The following CDCA2 variants were observed in gnomAD, a reference collection of about 807,000 sequenced individuals.
CDCA2 encodes cell division cycle-associated protein 2.
A neutral mutation model predicts 67.0 loss-of-function variants in CDCA2; 44 were observed. The ratio of observed to expected loss-of-function variants is 0.66; its 90% confidence interval spans 0.52 to 0.84. The LOEUF (loss-of-function observed/expected upper bound fraction) is 0.84, where lower values mean the gene tolerates loss of function less well. Among genes scored for constraint, CDCA2 ranks in the 40% least tolerant of loss-of-function variants. CDCA2 has a pLI of 0.00. For synonymous variants in CDCA2, 447 were observed against 418.7 expected (o/e 1.07, Z -0.82); for missense variants, 1,253 against 1,203.2 (o/e 1.04, Z -0.61).
At chr8:25,492,599 G>A (rs1237604693) in intron 13 of CDCA2, among the ~76,000 whole-genome samples, 1 of 152,194 alleles carries the variant, frequency 6.6e-6, no homozygotes, top group African/African-American at 2.4e-5. Flanking sequence ...AAGCAATAAT[G>A]CAGTATAAGG....
chr8:25,481,390 T>C (rs1023846734), intron 8 of CDCA2, among the ~76,000 whole-genome samples: 21 of 152,310 alleles, frequency 1.4e-4, no homozygotes, highest in African/African-American at 5.1e-4. Flanking sequence ...ATTAGAATCA[T>C]GTGAAAACAT....
At chr8:25,497,615 T>G (rs953072577) in intron 13 of CDCA2, among the ~76,000 whole-genome samples, 1 of 152,070 alleles carries the variant, frequency 6.6e-6, no homozygotes, top group African/African-American at 2.4e-5. Context: ...GTACAAAGTT[T>G]CAGTTAGGAT....
At chr8:25,472,582 C>T (rs1666583527) in intron 7 of CDCA2, among the ~76,000 whole-genome samples, 1 of 152,134 alleles carries the variant, frequency 6.6e-6, no homozygotes, top group East Asian at 1.9e-4. Flanking sequence ...CACTTTCACA[C>T]CTTATTTTTC....
intron 5 of CDCA2, among the ~76,000 whole-genome samples, chr8:25,466,788 AT>A (rs1474587463): frequency 2.6e-5 from 4 of 152,142 alleles, no homozygotes; most frequent in Non-Finnish European, 5.9e-5. Context: ...CATGCCTGTA[AT>A]TCCAGCACTT....
chr8:25,495,228 TGTTTTTCA>T (rs1804167250), intron 13 of CDCA2, among the ~76,000 whole-genome samples: 1 of 152,236 alleles, frequency 6.6e-6, no homozygotes, highest in African/African-American at 2.4e-5. Context: ...AAGTGTGTAC[TGTTTTTCA>T]GTTTTGATTG....
At chr8:25,498,242 CTG>C (rs1200163097) in intron 13 of CDCA2, among the ~76,000 whole-genome samples, 2 of 152,106 alleles carry the variant, frequency 1.3e-5, no homozygotes, top group Non-Finnish European at 2.9e-5. Context: ...GAGTCTCGCT[CTG>C]TCGCCCAGGC....
chr8:25,501,641 AT>A (rs1264273930), intron 13 of CDCA2, among the ~76,000 whole-genome samples: 1 of 152,160 alleles, frequency 6.6e-6, no homozygotes, highest in Admixed American at 6.5e-5. Flanking sequence ...CTTGTTTGAG[AT>A]TTGACTTAGA....
chr8:25,491,755 T>C (rs958835728), intron 13 of CDCA2, among the ~76,000 whole-genome samples: 4 of 152,074 alleles, frequency 2.6e-5, no homozygotes, highest in African/African-American at 7.2e-5. Flanking sequence ...TAGCTGGGAC[T>C]ACAGGTGCAC....
intron 4 of CDCA2, among the ~76,000 whole-genome samples, chr8:25,465,010 G>C (rs1342061490): frequency 1.3e-5 from 2 of 152,086 alleles, no homozygotes; most frequent in African/African-American, 4.8e-5. Flanking sequence ...GCCTTGCTCT[G>C]TTACGCAGCC....
rs559411513 is a variant in CDCA2, at chr8:25,465,513, A to G, written c.388-662A>G. Among the ~76,000 whole-genome samples the G allele has an allele frequency of 2.0e-5, 3 of 151,046 alleles. No homozygotes were observed. The South Asian group carries it at 6.2e-4, about 31-fold the overall frequency. On this transcript the variant is annotated intron_variant, in intron 4 of 14. Transcript: ENST00000330560. ...TCCCTGCTAATATAAATTTCATTTT[A>G]TCAGTCTTTGGTTGGAACCCTGTTA...
chr8:25,487,152 A>C, intron 11 of CDCA2, 94 bp from the exon 12 acceptor site: 1 of 765,856 alleles, frequency 1.3e-6, no homozygotes, highest in Non-Finnish European at 2.3e-6. Flanking sequence ...TATGGTATTA[A>C]AGGTGGATAT....
At chr8:25,471,378 T>C (rs201192824) in intron 7 of CDCA2, among the ~76,000 whole-genome samples, 1 of 51,118 alleles carries the variant, frequency 2.0e-5, no homozygotes, top group East Asian at 6.8e-4. Flanking sequence ...TCTTCTTATT[T>C]TTGAGACAGA....
chr8:25,460,045 A>C (rs539403314), intron 1 of CDCA2, among the ~76,000 whole-genome samples, 195 bp from the exon 2 acceptor site: 1 of 152,328 alleles, frequency 6.6e-6, no homozygotes, highest in Non-Finnish European at 1.5e-5. Flanking sequence ...TGCCTGTATC[A>C]AAATATTTCA....
intron 10 of CDCA2, among the ~76,000 whole-genome samples, chr8:25,484,579 G>A (rs549905547): frequency 6.8e-6 from 1 of 147,600 alleles, no homozygotes; most frequent in Admixed American, 6.8e-5. Context: ...GAAAACTCTA[G>A]GTATAGATGA....
chr8:25,471,748 T>C (rs904984412), intron 7 of CDCA2, among the ~76,000 whole-genome samples: 2 of 152,168 alleles, frequency 1.3e-5, no homozygotes, highest in Non-Finnish European at 2.9e-5. Flanking sequence ...TTGTATGAAG[T>C]GTAGCGATTC....
rs1461716579 is a variant in CDCA2 at position 25,506,916 on chromosome 8, T to C, written c.2250T>C (p.Cys750=). The C allele has an allele frequency of 6.2e-7, 1 of 1,612,808 alleles. No homozygotes were observed. The highest frequency in any genetic ancestry group is 1.7e-5 in the Admixed American group (1 of 59,792). Residue 750 remains cysteine (C), a synonymous_variant, in exon 15 of 15, where the codon TGT becomes TGC. Coordinates refer to ENST00000330560, the MANE Select transcript of CDCA2 (RefSeq NM_152562.4). ...GTGGTCAAAATGCAGAAAACCTTTG[T>C]CAGTTCTTTAAAATTTCACCAGATT... is the stretch of plus-strand genomic sequence containing the variant. ...SAGGQNAENL[C]QFFKISPDLN...
At chr8:25,493,928 A>AACATAT (rs1804107138) in intron 13 of CDCA2, among the ~76,000 whole-genome samples, 2 of 152,254 alleles carry the variant, frequency 1.3e-5, no homozygotes, top group Non-Finnish European at 2.9e-5. Flanking sequence ...CACTGATCAA[A>AACATAT]ATACAAAAAT....
chr8:25,479,230 A>C (rs928795191), intron 7 of CDCA2, among the ~76,000 whole-genome samples: 26 of 151,714 alleles, frequency 1.7e-4, no homozygotes, highest in Non-Finnish European at 8.8e-5. Flanking sequence ...CTTCATAGCC[A>C]TCACTCTTTC....
At chr8:25,467,004 T>A (rs1453043259) in intron 5 of CDCA2, among the ~76,000 whole-genome samples, 1 of 123,574 alleles carries the variant, frequency 8.1e-6, no homozygotes, top group Non-Finnish European at 1.6e-5. Flanking sequence ...ATCGTGCTAT[T>A]GCACTCCAGC....
Sources: gnomAD v4.1 joint callset for allele counts (sites outside exome capture counted in the v4.1 genomes callset) on GRCh38, gnomAD v4.1.1 for gene constraint, MANE v1.5 for transcripts, NCBI Gene and HGNC (gene_info 2026-07-23, HGNC 2026-07-21) for gene names.